CPS1: variants seen among roughly 807,000 people sequenced by gnomAD.
CPS1 encodes carbamoyl-phosphate synthase 1, also known as carbamoyl-phosphate synthase [ammonia], mitochondrial.
In CPS1, 109 loss-of-function variants were observed where a neutral mutation model predicts 174.6. That is an observed-to-expected ratio of 0.62 (90% CI 0.53 to 0.73). The LOEUF (loss-of-function observed/expected upper bound fraction) is 0.73, where lower values mean the gene tolerates loss of function less well. Among genes scored for constraint, CPS1 ranks in the 30% least tolerant of loss-of-function variants. CPS1 has a pLI of 0.00. For missense variants in CPS1, 1,689 were observed against 1,821.9 expected, an observed-to-expected ratio of 0.93 and a Z score of 1.33; for synonymous variants, 637 against 632.0, an observed-to-expected ratio of 1.01 and a Z score of -0.12.
intron 28 of CPS1, among the ~76,000 whole-genome samples, chr2:210,651,887 G>T (rs539566955): frequency 6.6e-6 from 1 of 152,272 alleles, no homozygotes; most frequent in African/African-American, 2.4e-5. Context: ...AATTGTAATC[G>T]TGAAAAGAAA....
chr2:210,518,554 C>G (rs1695739808), intron 1 of CPS1, among the ~76,000 whole-genome samples: 1 of 151,860 alleles, frequency 6.6e-6, no homozygotes, highest in Admixed American at 6.6e-5. Context: ...GACTGGAATA[C>G]AGATATGATG....
intron 14 of CPS1, among the ~76,000 whole-genome samples, 195 bp from the exon 15 acceptor site, chr2:210,600,360 G>A (rs1698674270): frequency 6.6e-6 from 1 of 151,798 alleles, no homozygotes; most frequent in Non-Finnish European, 1.5e-5. Context: ...ATAAGTAAAA[G>A]TAGCATCAGT....
rs185685529 is a variant in CPS1, at chr2:210,508,815, C to G, written c.3+31049C>G. ...TAAATTCCTTGACACATACACCCTC[C>G]CAAGACTAAACCAGGAAGAAGTTGA... On this transcript the variant is annotated intron_variant, in intron 1 of 38. Coordinates refer to the CPS1 transcript ENST00000430249. Among the ~76,000 whole-genome samples the G allele has an allele frequency of 4.5e-3, 690 of 152,252 alleles. 5 individuals carry two copies. The highest frequency in any genetic ancestry group is 0.017 in the South Asian group (82 of 4,816).
chr2:210,509,033 G>A (rs911762900), intron 1 of CPS1, among the ~76,000 whole-genome samples: 1 of 152,108 alleles, frequency 6.6e-6, no homozygotes, highest in African/African-American at 2.4e-5. Flanking sequence ...CATTTTATGA[G>A]GCCAGCATCA....
chr2:210,495,281 G>A lies in CPS1; in HGVS notation c.3+17515G>A, dbSNP rs146795165. 8.5e-4 allele frequency among the ~76,000 whole-genome samples: 130 copies of A among 152,162 alleles called. 1 individual carries two copies. The highest frequency in any genetic ancestry group is 3.0e-3 in the African/African-American group (123 of 41,526). ...TCATCTGTCCACTAAAGTTACCATT[G>A]GATGTCCCATCACCCCATCAACATG... On this transcript the variant is annotated intron_variant, in intron 1 of 38. Coordinates refer to the CPS1 transcript ENST00000430249.
At chr2:210,478,923 C>T (rs1475392402) in intron 1 of CPS1, among the ~76,000 whole-genome samples, 2 of 37,340 alleles carry the variant, frequency 5.4e-5, no homozygotes, top group Admixed American at 8.9e-4. Flanking sequence ...TCCCCCCTCC[C>T]CCCTTCCCCC....
chr2:210,578,819 C>A (rs771334884), intron 4 of CPS1, among the ~76,000 whole-genome samples: 8 of 152,204 alleles, frequency 5.3e-5, no homozygotes, highest in African/African-American at 1.7e-4. Flanking sequence ...TCTCTCCCCC[C>A]AGCCCCCAAC....
At chr2:210,603,503 GT>G (rs1159689363) in intron 16 of CPS1, among the ~76,000 whole-genome samples, 1 of 151,824 alleles carries the variant, frequency 6.6e-6, no homozygotes, top group Admixed American at 6.6e-5. Flanking sequence ...GCAAAAACAT[GT>G]TTTTGAAGAT....
intron 1 of CPS1, among the ~76,000 whole-genome samples, chr2:210,550,513 A>G (rs1696700472): frequency 6.6e-6 from 1 of 152,036 alleles, no homozygotes; most frequent in Admixed American, 6.6e-5. Context: ...TAGGGATAGC[A>G]TTAGCTTATT....
chr2:210,549,624 C>T (rs1422299616), intron 1 of CPS1, among the ~76,000 whole-genome samples: 4 of 151,830 alleles, frequency 2.6e-5, no homozygotes, highest in African/African-American at 9.7e-5. Context: ...AGCTTTAGAT[C>T]AAATATTAAA....
Position 210,595,488 on chromosome 2 carries a change from T to G in CPS1, c.1265T>G (p.Val422Gly), listed in dbSNP as rs1282703480. The G allele has an allele frequency of 3.1e-6, 5 of 1,607,286 alleles. No homozygotes were observed. In the East Asian group the frequency reaches 1.1e-4, roughly 36 times the overall value. The stretch of plus-strand genomic sequence containing the variant: ...GTGTCTTTTTCTTATTGCTTATAGG[T>G]TTCCAAAGTCCTTATTCTAGGATCA... ...KPALVASRVE[V>G]SKVLILGSGG... The change falls in exon 13 of 38, where the codon GTT becomes GGT. Residue 422 changes from valine to glycine, a missense_variant and splice_region_variant. By Grantham distance (109) the Val-to-Gly change is moderately radical. Transcript: ENST00000233072.
At chr2:210,633,751 C>T (rs1046292619) in intron 21 of CPS1, among the ~76,000 whole-genome samples, 1 of 152,148 alleles carries the variant, frequency 6.6e-6, no homozygotes, top group Non-Finnish European at 1.5e-5. Flanking sequence ...TAAAGACCCT[C>T]TAAAAATTGC....
chr2:210,538,086 T>C (rs979356728), intron 1 of CPS1, among the ~76,000 whole-genome samples: 1 of 152,210 alleles, frequency 6.6e-6, no homozygotes, highest in Non-Finnish European at 1.5e-5. Context: ...ATTCATTATC[T>C]CTTCTACATT....
chr2:210,556,820 G>T lies in CPS1; in HGVS notation c.87G>T (p.Trp29Cys). The change falls in exon 1 of 38, where the codon TGG becomes TGT. Residue 29 changes from tryptophan (W) to cysteine (C), a missense_variant. By Grantham distance (215) the Trp-to-Cys change is radical. Coordinates refer to ENST00000233072, the MANE Select transcript of CPS1 (RefSeq NM_001875.5). ...GFTNVTAHQKWKFSRPGIRLL... is the reference protein window; with the variant it reads ...GFTNVTAHQKCKFSRPGIRLL... ...CCAATGTGACTGCACACCAAAAATGGAAATTTTCAAGACCTGGCATCAGGC... is the reference window on the plus strand; with the variant it reads ...CCAATGTGACTGCACACCAAAAATGTAAATTTTCAAGACCTGGCATCAGGC... The T allele has an allele frequency of 6.2e-7, 1 of 1,613,106 alleles. No individual in the cohort carries two copies. Among genetic ancestry groups the T allele is most frequent in the Non-Finnish European group, 8.5e-7 (1 of 1,179,366 alleles).
Position 210,518,433 on chromosome 2 carries a change from C to A in CPS1, c.4-38286C>A, listed in dbSNP as rs1212863247. Among the ~76,000 whole-genome samples, 5 of 152,066 alleles carry A rather than the reference C, an allele frequency of 3.3e-5. No individual in the cohort carries two copies. The East Asian group carries it at 9.7e-4, about 30-fold the overall frequency. On this transcript the variant is annotated intron_variant, in intron 1 of 38. Transcript: ENST00000430249. ...CAACCATTCTTGTAGATAGATGTGGCCATTTACTGTGTTCTGGCCAATGGA... is the reference window on the plus strand; with the variant it reads ...CAACCATTCTTGTAGATAGATGTGGACATTTACTGTGTTCTGGCCAATGGA...
intron 1 of CPS1, among the ~76,000 whole-genome samples, chr2:210,541,769 A>G (rs1696438249): frequency 6.6e-6 from 1 of 152,218 alleles, no homozygotes; most frequent in Non-Finnish European, 1.5e-5. Flanking sequence ...TTACTCATCC[A>G]GACTGCTTTG....
intron 21 of CPS1, chr2:210,617,492 G>T (rs554783751): frequency 6.6e-6 from 1 of 152,060 alleles, no homozygotes; most frequent in Non-Finnish European, 1.5e-5. Flanking sequence ...CTCAAAACCT[G>T]GATTGCTCAA....
chr2:210,650,913 A>C (rs1399517702), intron 28 of CPS1, among the ~76,000 whole-genome samples: 1 of 152,054 alleles, frequency 6.6e-6, no homozygotes. Context: ...TAAGTCCCTC[A>C]CTCAACTATT....
At chr2:210,560,714 T>A (rs549632371) in intron 1 of CPS1, among the ~76,000 whole-genome samples, 1 of 152,292 alleles carries the variant, frequency 6.6e-6, no homozygotes, top group Non-Finnish European at 1.5e-5. Context: ...GATTAGAAAT[T>A]GGCAACTATA....
Sources: gnomAD v4.1 joint callset for allele counts (sites outside exome capture counted in the v4.1 genomes callset) on GRCh38, gnomAD v4.1.1 for gene constraint, MANE v1.5 for transcripts, NCBI Gene and HGNC (gene_info 2026-07-23, HGNC 2026-07-21) for gene names.